FYB2: variants seen among roughly 807,000 people sequenced by gnomAD.
The protein encoded by FYB2 is FYN binding protein 2.
In FYB2, 103 loss-of-function variants were observed where a neutral mutation model predicts 94.1. The ratio of observed to expected loss-of-function variants is 1.09; its 90% confidence interval spans 0.93 to 1.29. FYB2 has a LOEUF of 1.29. Among genes scored for constraint, FYB2 ranks in the 50% most tolerant of loss-of-function variants. The probability of loss-of-function intolerance (pLI) is 0.00; values close to 1 mark genes in which losing one functional copy is unlikely to be tolerated. For missense variants in FYB2, 896 were observed against 841.5 expected (o/e 1.06, Z -0.80); for synonymous variants, 293 against 287.9 (o/e 1.02, Z -0.18).
chr1:56,727,767 G>A (rs1481338080), intron 15 of FYB2, among the ~76,000 whole-genome samples: 1 of 152,090 alleles, frequency 6.6e-6, no homozygotes, highest in Non-Finnish European at 1.5e-5. Context: ...TAAGTCGAAT[G>A]ATAGGTTCAG....
intron 2 of FYB2, 86 bp downstream of exon 2, chr1:56,791,970 T>TAA: frequency 6.7e-7 from 1 of 1,500,744 alleles, no homozygotes; most frequent in African/African-American, 1.4e-5. Flanking sequence ...GTCATATACA[T>TAA]AACCACTCTG....
chr1:56,803,213 T>C lies in FYB2; in HGVS notation c.10-10410A>G, dbSNP rs546788338. Among the ~76,000 whole-genome samples the C allele has an allele frequency of 2.6e-5, 4 of 152,322 alleles. No homozygotes were observed. The South Asian group carries it at 8.3e-4, about 32-fold the overall frequency. Reference sequence around the variant, plus strand: ...AGACAGCATGCTGTGATCAAACATGTTACCATTTCTATAGTAAAACATATT... The same window carrying C: ...AGACAGCATGCTGTGATCAAACATGCTACCATTTCTATAGTAAAACATATT... On this transcript the variant is annotated intron_variant, in intron 1 of 19. Coordinates refer to ENST00000343433, the MANE Select transcript of FYB2 (RefSeq NM_001004303.5).
chr1:56,765,247 T>C (rs1283457045), intron 5 of FYB2, among the ~76,000 whole-genome samples: 1 of 152,196 alleles, frequency 6.6e-6, no homozygotes, highest in Non-Finnish European at 1.5e-5. Flanking sequence ...TTCTTACTGC[T>C]GGGTGGTTAT....
intron 16 of FYB2, 31 bp from the exon 17 acceptor site, chr1:56,723,712 G>C (rs372097308): frequency 1.5e-5 from 19 of 1,279,178 alleles, no homozygotes; most frequent in Middle Eastern, 2.2e-4. Context: ...AGGGTAAAAC[G>C]TACTATAATA....
chr1:56,817,245 C>T (rs75471648), intron 1 of FYB2, among the ~76,000 whole-genome samples: 4,753 of 152,286 alleles, frequency 0.031, 108 homozygotes, highest in Non-Finnish European at 0.045. Flanking sequence ...TCCAGTCATT[C>T]CTTGAAACAC....
intron 4 of FYB2, among the ~76,000 whole-genome samples, chr1:56,773,365 C>CT (rs1570098375): frequency 6.6e-6 from 1 of 152,174 alleles, no homozygotes; most frequent in African/African-American, 2.4e-5. Context: ...CATCTGTCCA[C>CT]TTGGTCAAAC....
chr1:56,792,717 T>A lies in FYB2; in HGVS notation c.96A>T (p.Ala32=). 6.2e-7 allele frequency: 1 copy of A among 1,614,130 alleles called. No individual in the cohort carries two copies. The highest frequency in any genetic ancestry group is 8.5e-7 in the Non-Finnish European group (1 of 1,180,022). Residue 32 remains alanine (A), a synonymous_variant, in exon 2 of 20, where the codon GCA becomes GCT. Transcript: ENST00000343433. ...CAATGTCACCCTTTGGAGAAACACC[T>A]GCTGGGAATTTAATAGGTCCTGGAA... ...PPLPGPIKFP[A]GVSPKGDIGG... is the part of the protein sequence containing the mutation.
At chr1:56,755,280 A>G (rs1384140825) in intron 7 of FYB2, among the ~76,000 whole-genome samples, 1 of 152,118 alleles carries the variant, frequency 6.6e-6, no homozygotes, top group Non-Finnish European at 1.5e-5. Flanking sequence ...ATGAATTCTC[A>G]TGTTAGCAAA....
At chr1:56,781,438 A>G (rs577973172) in intron 4 of FYB2, among the ~76,000 whole-genome samples, 1 of 152,096 alleles carries the variant, frequency 6.6e-6, no homozygotes, top group African/African-American at 2.4e-5. Flanking sequence ...CATTTTGACT[A>G]CCCTGTCCGT....
chr1:56,719,855 A>ATTTCTGATCTAGTTTAATATGTTTGT (rs776181956), intron 19 of FYB2, among the ~76,000 whole-genome samples, 163 bp from the exon 20 acceptor site: 2 of 152,142 alleles, frequency 1.3e-5, no homozygotes, highest in South Asian at 2.1e-4. Flanking sequence ...CAGGAGAGAC[A>ATTTCTGATCTAGTTTAATATGTTTGT]GTAATAAAGT....
intron 1 of FYB2, among the ~76,000 whole-genome samples, chr1:56,805,362 T>C (rs1277855537): frequency 6.6e-6 from 1 of 152,084 alleles, no homozygotes; most frequent in Non-Finnish European, 1.5e-5. Flanking sequence ...TGGGGAAAAA[T>C]TGGGAGTAAT....
upstream of FYB2, chr1:56,824,642 A>C (rs1014843354): frequency 3.9e-5 from 6 of 152,240 alleles, no homozygotes; most frequent in African/African-American, 1.4e-4. Context: ...AGTGTTTGCA[A>C]AGGCATGGCT....
At position 56,726,659 on chromosome 1, in the gene FYB2, C is replaced by A. The variant is rs996718016; in HGVS notation, c.1794-76G>T. ...CATGGAACCATCAACACTTCATGGG[C>A]AATTATGTTTTACAAAAAATTAAAA... On this transcript the variant is annotated intron_variant, in intron 15 of 19. Coordinates refer to ENST00000343433, the MANE Select transcript of FYB2 (RefSeq NM_001004303.5). 1.3e-5 allele frequency: 15 copies of A among 1,184,054 alleles called. No homozygotes were observed. In the East Asian group the frequency reaches 3.2e-4, roughly 26 times the overall value. 73.3% of individuals were successfully genotyped at this position (1,184,054 alleles called of 1,614,324 possible).
intron 2 of FYB2, 66 bp downstream of exon 2, chr1:56,791,990 G>A: frequency 6.6e-7 from 1 of 1,511,024 alleles, no homozygotes; most frequent in Non-Finnish European, 8.8e-7. Context: ...GAATCAACAG[G>A]TTTTCAAGTA....
At chr1:56,773,532 G>C (rs1347316401) in intron 4 of FYB2, among the ~76,000 whole-genome samples, 3 of 152,176 alleles carry the variant, frequency 2.0e-5, no homozygotes, top group Non-Finnish European at 2.9e-5. Context: ...TAGAGTCACT[G>C]TGAGGGTTTA....
At chr1:56,757,803 T>A (rs186249892) in intron 6 of FYB2, among the ~76,000 whole-genome samples, 22 of 150,278 alleles carry the variant, frequency 1.5e-4, no homozygotes, top group African/African-American at 4.4e-4. Context: ...TCTCAGTCTG[T>A]CTACTGCCCA....
intron 15 of FYB2, among the ~76,000 whole-genome samples, chr1:56,728,594 A>G (rs12735947): frequency 0.047 from 7,182 of 152,206 alleles, 265 homozygotes; most frequent in East Asian, 0.11. Context: ...TCTGAATTCA[A>G]TTTTAAATAA....
the FYB2 span, among the ~76,000 whole-genome samples, chr1:56,825,678 C>T: frequency 6.6e-6 from 1 of 152,134 alleles, no homozygotes; most frequent in African/African-American, 2.4e-5. Context: ...CCCACTTTGT[C>T]AAAGACAGTC....
At chr1:56,740,837 G>A (rs544919443) in intron 12 of FYB2, 42 bp from the exon 13 acceptor site, 1 of 1,311,224 alleles carries the variant, frequency 7.6e-7, no homozygotes, top group Non-Finnish European at 1.1e-6. Flanking sequence ...GCATTTAAGA[G>A]AGTACTAGAG....
Sources: gnomAD v4.1 joint callset for allele counts (sites outside exome capture counted in the v4.1 genomes callset) on GRCh38, gnomAD v4.1.1 for gene constraint, MANE v1.5 for transcripts, NCBI Gene and HGNC (gene_info 2026-07-23, HGNC 2026-07-21) for gene names.